Variants in TEX36 observed in about 807,000 individuals in gnomAD.
The protein encoded by TEX36 is testis-expressed protein 36.
In TEX36, 12 loss-of-function variants were observed where a neutral mutation model predicts 13.6. The ratio of observed to expected loss-of-function variants is 0.88; its 90% CI spans 0.56 to 1.43. The LOEUF (loss-of-function observed/expected upper bound fraction) is 1.43. Ranked by LOEUF, TEX36 falls within the 40% of genes most tolerant of loss-of-function variation. The pLI is 0.00. For synonymous variants in TEX36, 93 were observed against 83.0 expected (o/e 1.12, Z -0.65); for missense variants, 224 against 228.3 (o/e 0.98, Z 0.12).
chr10:125,642,075 A>G lies in TEX36; in HGVS notation c.264+18946T>C, dbSNP rs541658103. Among the ~76,000 whole-genome samples, 14 of 152,288 alleles carry G rather than the reference A, an allele frequency of 9.2e-5. No individual in the cohort carries two copies. In the South Asian group the frequency reaches 2.9e-3, roughly 32 times the overall value. ...GGTAATTTTTTGAATTTCACTTCCC[A>G]TAAGTGGAATTATGTGTCACTCCTG... On this transcript the variant is annotated intron_variant, in intron 3 of 3. Transcript: ENST00000526819.
chr10:125,667,964 G>C, intron 1 of TEX36: 1 of 903,912 alleles, frequency 1.1e-6, no homozygotes, highest in Admixed American at 1.8e-5. Context: ...GCTGGTGGTG[G>C]CAAGTTCCAG....
intron 3 of TEX36, among the ~76,000 whole-genome samples, chr10:125,587,843 CAT>C (rs1255510685): frequency 6.7e-6 from 1 of 148,870 alleles, no homozygotes; most frequent in Non-Finnish European, 1.5e-5. Context: ...CACACACACA[CAT>C]ATACACACGT....
At position 125,661,854 on chromosome 10, in the gene TEX36, G is replaced by C. The variant is rs756055562; in HGVS notation, c.175C>G (p.Arg59Gly). The C allele has an allele frequency of 5.2e-6, 8 of 1,551,834 alleles. No homozygotes were observed. The highest frequency in any genetic ancestry group is 7.0e-6 in the Non-Finnish European group (8 of 1,147,008). ...CAGTGTTCAGGACTCACCTTCTCCC[G>C]GACTTTGTATATGGGCGGCAGCTTC... ...EGKLPPIYKV[R>G]EKQAVNNQFP... Residue 59 changes from arginine to glycine, a missense_variant, in exon 2 of 4, where the codon CGG (arginine) becomes GGG (glycine). Arg to Gly is a moderately radical substitution (Grantham distance 125, BLOSUM62 -2). Coordinates refer to ENST00000368821, the MANE Select transcript of TEX36 (RefSeq NM_001128202.3).
At chr10:125,679,807 C>A (rs537000481) in intron 1 of TEX36, among the ~76,000 whole-genome samples, 24 of 152,208 alleles carry the variant, frequency 1.6e-4, no homozygotes, top group African/African-American at 5.5e-4. Context: ...TAGGCGGGCA[C>A]GCAATGCTTC....
At chr10:125,634,306 A>G (rs987592264) in intron 3 of TEX36, among the ~76,000 whole-genome samples, 2 of 152,170 alleles carry the variant, frequency 1.3e-5, no homozygotes, top group East Asian at 1.9e-4. Context: ...GATGCCAAGC[A>G]GAGGAGGTGA....
chr10:125,672,287 T>G (rs1227092963), intron 1 of TEX36, among the ~76,000 whole-genome samples: 1 of 152,160 alleles, frequency 6.6e-6, no homozygotes. Flanking sequence ...GTTTCCTTCT[T>G]AACACTGCTG....
intron 1 of TEX36, among the ~76,000 whole-genome samples, chr10:125,663,198 T>C (rs1481808568): frequency 6.6e-6 from 1 of 152,182 alleles, no homozygotes; most frequent in Non-Finnish European, 1.5e-5. Context: ...CTACCTGATA[T>C]GGTAGATTTG....
intron 3 of TEX36, among the ~76,000 whole-genome samples, chr10:125,590,500 T>C (rs1046616210): frequency 2.6e-5 from 4 of 152,084 alleles, no homozygotes; most frequent in African/African-American, 9.7e-5. Context: ...TAAAGATTAA[T>C]AAAATTTTAC....
At chr10:125,681,907 C>A (rs1323991620) in intron 1 of TEX36, among the ~76,000 whole-genome samples, 1 of 152,214 alleles carries the variant, frequency 6.6e-6, no homozygotes, top group Non-Finnish European at 1.5e-5. Flanking sequence ...AAAGACTAAG[C>A]TGCTTAGCCA....
At chr10:125,627,734 G>T (rs566561628) in intron 3 of TEX36, among the ~76,000 whole-genome samples, 3 of 152,326 alleles carry the variant, frequency 2.0e-5, no homozygotes, top group Non-Finnish European at 4.4e-5. Flanking sequence ...CACCATTCCT[G>T]TTTTATCCTT....
rs1846545398 is a variant in TEX36, at chr10:125,630,971, C to A, written c.265-9326G>T. The stretch of plus-strand genomic sequence containing the variant: ...GGAAGGGTGGGAATGGGACTTCTCC[C>A]TATGCTCCTGTCTCAGGTTCTCTTC... On this transcript the variant is annotated intron_variant, in intron 3 of 3. Coordinates refer to the TEX36 transcript ENST00000526819. Among the ~76,000 whole-genome samples the A allele has an allele frequency of 3.9e-5, 6 of 152,296 alleles. No individual in the cohort carries two copies. The South Asian group carries it at 1.2e-3, about 32-fold the overall frequency.
At chr10:125,661,189 G>T in intron 2 of TEX36, 88 bp from the exon 3 acceptor site, 1 of 1,091,832 alleles carries the variant, frequency 9.2e-7, no homozygotes, top group Non-Finnish European at 1.4e-6. Context: ...AAGGAAGATG[G>T]ATGAGGCAAA....
At chr10:125,640,150 G>A in intron 3 of TEX36, 1 of 985,354 alleles carries the variant, frequency 1.0e-6, no homozygotes, top group Non-Finnish European at 1.2e-6. Flanking sequence ...AGATGTTACA[G>A]CCAGATCAGT....
At chr10:125,639,459 C>G (rs1334563401) in intron 3 of TEX36, among the ~76,000 whole-genome samples, 1 of 150,316 alleles carries the variant, frequency 6.7e-6, no homozygotes, top group African/African-American at 2.5e-5. Flanking sequence ...GTACTTAACA[C>G]AGAGTTAGGG....
downstream of TEX36, among the ~76,000 whole-genome samples, chr10:125,621,269 C>G (rs1440211314): frequency 1.3e-5 from 2 of 152,066 alleles, no homozygotes; most frequent in Non-Finnish European, 2.9e-5. Context: ...CTTTGAGGAG[C>G]CATCGTGTGT....
chr10:125,652,337 T>C (rs2133586305), downstream of TEX36, among the ~76,000 whole-genome samples: 1 of 152,130 alleles, frequency 6.6e-6, no homozygotes, highest in East Asian at 1.9e-4. Context: ...ATACCACACA[T>C]CTACAACCAT....
At chr10:125,651,627 G>A (rs548455894), downstream of TEX36, among the ~76,000 whole-genome samples, 45 of 152,248 alleles carry the variant, frequency 3.0e-4, no homozygotes, top group East Asian at 8.7e-3. Context: ...ATTCAACATA[G>A]TGTTGGAAGT....
At chr10:125,630,049 T>C (rs138728529) in intron 3 of TEX36, among the ~76,000 whole-genome samples, 1 of 152,320 alleles carries the variant, frequency 6.6e-6, no homozygotes, top group East Asian at 1.9e-4. Context: ...AGCCAAGCCA[T>C]AGGGCCTAGT....
intron 3 of TEX36, among the ~76,000 whole-genome samples, chr10:125,641,503 A>G (rs1389194925): frequency 2.6e-5 from 4 of 152,226 alleles, no homozygotes; most frequent in African/African-American, 7.2e-5. Context: ...GATTCCTAGT[A>G]TGGGTCTAGA....
Sources: allele counts gnomAD v4.1 joint callset (sites outside exome capture counted in the v4.1 genomes callset), GRCh38; gene constraint gnomAD v4.1.1; transcripts MANE v1.5; gene names NCBI Gene and HGNC (gene_info 2026-07-23, HGNC 2026-07-21).